Variants in ATXN10 observed in about 807,000 individuals in gnomAD.
ATXN10 encodes the protein ataxin 10.
A neutral mutation model predicts 52.9 loss-of-function variants in ATXN10; 28 were observed. That is an observed-to-expected ratio of 0.53 (90% CI 0.39 to 0.73). ATXN10 has a LOEUF of 0.73. Ranked by LOEUF, ATXN10 falls within the 30% of genes least tolerant of loss-of-function variation. The pLI is 0.00. For synonymous variants in ATXN10, 226 were observed against 221.5 expected (o/e 1.02, Z -0.18); for missense variants, 565 against 577.0 (o/e 0.98, Z 0.21).
chr22:45,707,060 A>G (rs564768128), intron 5 of ATXN10, among the ~76,000 whole-genome samples: 2 of 152,184 alleles, frequency 1.3e-5, no homozygotes, highest in Admixed American at 1.3e-4. Flanking sequence ...TATATTTATT[A>G]TTGTTATACC....
In ATXN10 at chr22:45,843,135, GCGAAAAGCTGATCCTGAAATCTA is replaced by G; in HGVS notation, c.1384_1406del (p.Glu462Ter). 2 of 1,614,056 alleles carry G rather than the reference GCGAAAAGCTGATCCTGAAATCTA, an allele frequency of 1.2e-6. No homozygotes were observed. The highest frequency in any genetic ancestry group is 4.5e-5 in the East Asian group (2 of 44,888). Reference sequence around the variant, plus strand: ...GTGGGTTTTGAAGTTGAAAAGAAAGGCGAAAAGCTGATCCTGAAATCTACTAGAGACACCCCTAAGCCAGTAAG... The same window carrying G: ...GTGGGTTTTGAAGTTGAAAAGAAAGGCTAGAGACACCCCTAAGCCAGTAAG... On this transcript the variant is annotated frameshift_variant, in exon 11 of 12. Transcript: ENST00000252934. LOFTEE classifies it high-confidence loss of function. The surrounding 1 kb of genome is among the most constrained non-coding windows in gnomAD (Gnocchi z 4.5).
Position 45,772,206 on chromosome 22 carries a change from T to TAAAAC in ATXN10, c.1173+31668_1173+31669insAAAAC, listed in dbSNP as rs1482082084. Among the ~76,000 whole-genome samples, 2 of 152,252 alleles carry TAAAAC rather than the reference T, an allele frequency of 1.3e-5. No individual in the cohort carries two copies. The highest frequency in any genetic ancestry group is 2.9e-5 in the Non-Finnish European group (2 of 68,044). ...TTCTTCCTAAAATTTTGTAGTTTTA[T>TAAAAC]GTTTTGTGTTTAGATCTAGGATCCA... On this transcript the variant is annotated intron_variant, in intron 9 of 11. Coordinates refer to ENST00000252934, the MANE Select transcript of ATXN10 (RefSeq NM_013236.4). This position sits in a 1 kb window ranked among gnomAD's most constrained non-coding sequence, Gnocchi z 4.1.
intron 10 of ATXN10, among the ~76,000 whole-genome samples, chr22:45,809,079 G>T (rs1176722561): frequency 6.6e-6 from 1 of 152,210 alleles, no homozygotes; most frequent in Non-Finnish European, 1.5e-5. Context: ...AGGGAGAATG[G>T]TAGTTGAATG....
At chr22:45,740,256 T>C in intron 8 of ATXN10, 113 bp from the exon 9 acceptor site, 1 of 997,438 alleles carries the variant, frequency 1.0e-6, no homozygotes, top group East Asian at 2.5e-5. Context: ...AAGCTTTCTG[T>C]GCTCTACCTT....
At chr22:45,709,515 C>CTTTGT (rs1293273188) in intron 5 of ATXN10, among the ~76,000 whole-genome samples, 1 of 152,148 alleles carries the variant, frequency 6.6e-6, no homozygotes, top group East Asian at 1.9e-4. Flanking sequence ...CCTGTGCTGG[C>CTTTGT]TTTGTTGTAA....
At chr22:45,756,724 C>T (rs1466441197) in intron 9 of ATXN10, among the ~76,000 whole-genome samples, 2 of 152,106 alleles carry the variant, frequency 1.3e-5, no homozygotes, top group South Asian at 2.1e-4. Context: ...TATTGTACAT[C>T]TTATGTTACA....
chr22:45,736,925 AG>A (rs1328745147), intron 7 of ATXN10, among the ~76,000 whole-genome samples: 1 of 152,170 alleles, frequency 6.6e-6, no homozygotes. Flanking sequence ...GTTTATTAGC[AG>A]GAATATTTTT....
In ATXN10 at chr22:45,757,359, T is replaced by G. The variant is rs368374829; in HGVS notation, c.1173+16821T>G. The stretch of plus-strand genomic sequence containing the variant: ...TGTAACTGGAGCAATACCAGCTGAT[T>G]CTAACAGTGTGGCCCAGCAGCGCCT... On this transcript the variant is annotated intron_variant, in intron 9 of 11. Coordinates refer to ENST00000252934, the MANE Select transcript of ATXN10 (RefSeq NM_013236.4). The surrounding 1 kb of genome is among the most constrained non-coding windows in gnomAD (Gnocchi z 4.6). Among the ~76,000 whole-genome samples the G allele has an allele frequency of 9.9e-5, 15 of 152,254 alleles. No homozygotes were observed. The highest frequency in any genetic ancestry group is 1.9e-4 in the East Asian group (1 of 5,176).
chr22:45,718,263 G>A lies in ATXN10; in HGVS notation c.648-150G>A. ...AGCTGCTGATAGATTAATAGTATGT[G>A]AACCTTTTAAGACATTTAAGATTAC... On this transcript the variant is annotated intron_variant, in intron 5 of 11. Transcript: ENST00000252934. This position sits in a 1 kb window ranked among gnomAD's most constrained non-coding sequence, Gnocchi z 4.4. 1.4e-6 allele frequency: 1 copy of A among 718,750 alleles called. No homozygotes were observed. The allele number at this position is 718,750 out of a possible 1,614,324, so 44.5% of individuals were successfully genotyped here. A position where few individuals can be genotyped will look rare whatever the true frequency, so the allele number is the denominator to read the frequency against.
intron 10 of ATXN10, among the ~76,000 whole-genome samples, chr22:45,814,279 A>G (rs1282819368): frequency 1.3e-5 from 2 of 152,260 alleles, no homozygotes; most frequent in African/African-American, 4.8e-5. Context: ...AACAAGGAAA[A>G]GAAACAATTC....
At chr22:45,792,833 C>T (rs1174771843) in intron 9 of ATXN10, 3 of 529,044 alleles carry the variant, frequency 5.7e-6, no homozygotes, top group Non-Finnish European at 1.1e-5. Flanking sequence ...CCAAAAGAGT[C>T]ATTGGCTTTG....
intron 9 of ATXN10, among the ~76,000 whole-genome samples, chr22:45,776,731 G>A (rs969036156): frequency 2.6e-5 from 4 of 152,216 alleles, no homozygotes; most frequent in Non-Finnish European, 2.9e-5. Context: ...AAACACAAAC[G>A]ATAATATATG....
chr22:45,827,493 G>A (rs1928854457), intron 10 of ATXN10, among the ~76,000 whole-genome samples: 2 of 152,166 alleles, frequency 1.3e-5, no homozygotes, highest in East Asian at 3.8e-4. Context: ...TGGTAAGAGA[G>A]AGCAGACGTG....
chr22:45,702,848 G>C lies in ATXN10; in HGVS notation c.647+1G>C, dbSNP rs764854879. The stretch of plus-strand genomic sequence containing the variant: ...AAAAACATCCTGAATCAGAATGGCC[G>C]TAAGTATCTTGTTAGAAATTTGATT... On this transcript the variant is annotated splice_donor_variant, in intron 5 of 11. Transcript: ENST00000252934. LOFTEE classifies it high-confidence loss of function. 6.2e-7 allele frequency: 1 copy of C among 1,613,636 alleles called. No homozygotes were observed. Among genetic ancestry groups the C allele is most frequent in the Non-Finnish European group, 8.5e-7 (1 of 1,179,920 alleles).
rs1276688791 is a variant in ATXN10, at chr22:45,681,788, C to T, written c.117-7924C>T. Among the ~76,000 whole-genome samples the T allele has an allele frequency of 3.3e-5, 5 of 152,198 alleles. No individual in the cohort carries two copies. The highest frequency in any genetic ancestry group is 7.3e-5 in the Non-Finnish European group (5 of 68,042). ...TTGCCCTGGTCCCTTGACTCTCCTG[C>T]TCCCCGAGTCAGGTATTTCATGCTC... On this transcript the variant is annotated intron_variant, in intron 1 of 11. Transcript: ENST00000252934. This position sits in a 1 kb window ranked among gnomAD's most constrained non-coding sequence, Gnocchi z 4.2.
rs1430375861 is a variant in ATXN10 at position 45,681,051 on chromosome 22, T to A, written c.117-8661T>A. ...TTTTCCTCCATAGACCACTCCAACTTTTAATCTCATGACATCAGAGTATCC... is the reference window on the plus strand; with the variant it reads ...TTTTCCTCCATAGACCACTCCAACTATTAATCTCATGACATCAGAGTATCC... On this transcript the variant is annotated intron_variant, in intron 1 of 11. Transcript: ENST00000252934. The surrounding 1 kb of genome is among the most constrained non-coding windows in gnomAD (Gnocchi z 4.2). 6.6e-6 allele frequency among the ~76,000 whole-genome samples: 1 copy of A among 152,190 alleles called. No homozygotes were observed. Among genetic ancestry groups the A allele is most frequent in the Non-Finnish European group, 1.5e-5 (1 of 68,036 alleles).
chr22:45,749,978 A>G (rs1405282532), intron 9 of ATXN10, among the ~76,000 whole-genome samples: 2 of 152,248 alleles, frequency 1.3e-5, no homozygotes, highest in Non-Finnish European at 2.9e-5. Context: ...ACATTGGGGA[A>G]GTAATGTGCT....
rs1219776398 is a variant in ATXN10, at chr22:45,841,617, C to G, written c.1238-1374C>G. ...CCTTTTTAAAGCCCCAAAAACACTT[C>G]CTGAGCATACAGCTGACTGTGTTTA... On this transcript the variant is annotated intron_variant, in intron 10 of 11. Transcript: ENST00000252934. The surrounding 1 kb of genome is among the most constrained non-coding windows in gnomAD (Gnocchi z 5.1). Among the ~76,000 whole-genome samples, 1 of 152,226 alleles carries G rather than the reference C, an allele frequency of 6.6e-6. No individual in the cohort carries two copies. The highest frequency in any genetic ancestry group is 2.4e-5 in the African/African-American group (1 of 41,448).
chr22:45,753,268 T>A (rs138182), intron 9 of ATXN10, among the ~76,000 whole-genome samples: 95,671 of 149,242 alleles, frequency 0.64, 30,828 homozygotes, highest in East Asian at 0.74. Context: ...AGGAGAAACC[T>A]TTTTCGGCAG....
Sources: allele counts gnomAD v4.1 joint callset (sites outside exome capture counted in the v4.1 genomes callset), GRCh38; gene constraint gnomAD v4.1.1; non-coding constraint Gnocchi (gnomAD v3.1); transcripts MANE v1.5; gene names NCBI Gene and HGNC (gene_info 2026-07-23, HGNC 2026-07-21).